The following CACNA1G variants were observed in gnomAD, a reference collection of about 807,000 sequenced individuals.
CACNA1G encodes voltage-dependent T-type calcium channel subunit alpha-1G.
A neutral mutation model predicts 219.4 loss-of-function variants in CACNA1G; 67 were observed. That is an observed-to-expected ratio of 0.31 (90% confidence interval 0.25 to 0.37). The LOEUF (loss-of-function observed/expected upper bound fraction) is 0.37. Among genes scored for constraint, CACNA1G ranks in the 10% least tolerant of loss-of-function variants. The probability of loss-of-function intolerance (pLI) is 1.00; values close to 1 mark genes in which losing one functional copy is unlikely to be tolerated. For missense variants in CACNA1G, 2,380 were observed against 3,231.4 expected (o/e 0.74, Z 6.39); for synonymous variants, 1,296 against 1,345.3 (o/e 0.96, Z 0.80).
Position 50,569,715 on chromosome 17 carries a change from G to A in CACNA1G, c.498G>A (p.Glu166=). 6.5e-7 allele frequency: 1 copy of A among 1,550,376 alleles called. No individual in the cohort carries two copies. The highest frequency in any genetic ancestry group is 8.7e-7 in the Non-Finnish European group (1 of 1,146,742). Residue 166 remains glutamate (E), a synonymous_variant, in exon 4 of 38, where the codon GAG becomes GAA. Transcript: ENST00000359106. ...DFFIVIAGML[E]YSLDLQNVSF... is the part of the protein sequence containing the mutation. ...GGGCCCCTCCCTGCAGGATGCTGGA[G>A]TACTCGCTGGACCTGCAGAACGTCA... is the stretch of plus-strand genomic sequence containing the variant.
chr17:50,614,571 G>A (rs985392154), intron 26 of CACNA1G, among the ~76,000 whole-genome samples: 2 of 152,220 alleles, frequency 1.3e-5, no homozygotes, highest in African/African-American at 4.8e-5. Flanking sequence ...ATAACTAAGT[G>A]GTTCACTAAT....
At chr17:50,602,268 C>T (rs1282708795) in intron 19 of CACNA1G, among the ~76,000 whole-genome samples, 1 of 152,234 alleles carries the variant, frequency 6.6e-6, no homozygotes, top group African/African-American at 2.4e-5. Flanking sequence ...TCTGCGCCTG[C>T]CTCCTGGCCA....
rs547558240 is a variant in CACNA1G at position 50,599,361 on chromosome 17, G to A, written c.3259-67G>A. 53 of 1,364,496 alleles carry A rather than the reference G, an allele frequency of 3.9e-5. 1 individual carries two copies. Among genetic ancestry groups the A allele is most frequent in the African/African-American group, 3.5e-4 (24 of 68,558 alleles). 84.5% of individuals were successfully genotyped at this position (1,364,496 alleles called of 1,614,324 possible). On this transcript the variant is annotated intron_variant, in intron 16 of 37. Transcript: ENST00000359106. ...ATGCCAGTGAGGCTCCCAGGAGACC[G>A]GGTGCACATGAGAGGACAGGGCTGC... is the stretch of plus-strand genomic sequence containing the variant.
rs972793029 is a variant in CACNA1G at position 50,561,049 on chromosome 17, G to A, written c.-411G>A. 7 of 347,480 alleles carry A rather than the reference G, an allele frequency of 2.0e-5. No homozygotes were observed. Among genetic ancestry groups the A allele is most frequent in the Non-Finnish European group, 5.5e-6 (1 of 181,050 alleles). 21.5% of individuals were successfully genotyped at this position (347,480 alleles called of 1,614,324 possible). On this transcript the variant is annotated 5_prime_UTR_variant, in exon 1 of 38. Transcript: ENST00000359106. ...CTCCAGCTGCGCCGCGGGAAGAGGG[G>A]GCGCCCCTCCCCGGACCCCCGCCCT...
chr17:50,603,172 G>A lies in CACNA1G; in HGVS notation c.4142G>A (p.Arg1381Gln), dbSNP rs1486670811. The change falls in exon 21 of 38, where the codon CGG becomes CAG. Residue 1381 changes from arginine to glutamine, a missense_variant. By Grantham distance (43) the Arg-to-Gln change is conservative (BLOSUM62 1). Around this residue, in one of 17 missense-constraint regions of CACNA1G, gnomAD observed 153 missense variants for 374.9 expected, o/e 0.41. Coordinates refer to ENST00000359106, the MANE Select transcript of CACNA1G (RefSeq NM_018896.5). The surrounding 1 kb of genome is among the most constrained non-coding windows in gnomAD (Gnocchi z 6.4). ...TKILGMLRVL[R>Q]LLRTLRPLRV... ...ATCCTGGGCATGCTGAGGGTGCTGC[G>A]GCTGCTGCGGACCCTGCGCCCGCTC... is the stretch of plus-strand genomic sequence containing the variant. The A allele has an allele frequency of 2.5e-6, 4 of 1,608,122 alleles. No homozygotes were observed. Among genetic ancestry groups the A allele is most frequent in the South Asian group, 1.1e-5 (1 of 91,018 alleles).
At chr17:50,614,973 G>A (rs753553137) in intron 26 of CACNA1G, among the ~76,000 whole-genome samples, 5 of 152,230 alleles carry the variant, frequency 3.3e-5, no homozygotes, top group Admixed American at 6.5e-5. Context: ...TTGATGGCGC[G>A]TCCTCTGAGC....
At chr17:50,586,567 C>T (rs1450869516) in intron 9 of CACNA1G, among the ~76,000 whole-genome samples, 2 of 152,200 alleles carry the variant, frequency 1.3e-5, no homozygotes, top group Admixed American at 1.3e-4. Flanking sequence ...AGATATCGGT[C>T]CTGCCTTCTG....
At chr17:50,604,102 G>A (rs2047415016) in intron 21 of CACNA1G, 53 bp from the exon 22 acceptor site, 1 of 1,579,092 alleles carries the variant, frequency 6.3e-7, no homozygotes, top group South Asian at 1.2e-5. Flanking sequence ...CAAGGGACAA[G>A]GGAGGGTCTG....
chr17:50,615,387 G>T lies in CACNA1G; in HGVS notation c.4786G>T (p.Asp1596Tyr). 6.2e-7 allele frequency: 1 copy of T among 1,611,520 alleles called. No individual in the cohort carries two copies. The change falls in exon 27 of 38, where the codon GAC (aspartate) becomes TAC (tyrosine). Residue 1596 changes from aspartate (D) to tyrosine (Y), a missense_variant. Around this residue, in one of 17 missense-constraint regions of CACNA1G, gnomAD observed 58 missense variants for 71.3 expected, o/e 0.81. Transcript: ENST00000359106. ...SEAQCKPYYS[D>Y]YSRFRLLVHH... ...AGCCCAGTGCAAACCTTACTACTCC[G>T]ACTACTCCCGCTTCCGGCTCCTCGT...
chr17:50,618,940 A>C lies in CACNA1G; in HGVS notation c.5713A>C (p.Lys1905Gln), dbSNP rs1209980357. 1 of 1,600,040 alleles carries C rather than the reference A, an allele frequency of 6.2e-7. No homozygotes were observed. The highest frequency in any genetic ancestry group is 8.5e-7 in the Non-Finnish European group (1 of 1,172,126). ...VEGPDSPDSP[K>Q]PGALHPAAHA... ...GGGCCCCGACAGCCCCGACAGCCCC[A>C]AGCCTGGGGCTCTGCACCCAGCGGC... is the stretch of plus-strand genomic sequence containing the variant. Residue 1905 changes from lysine (K) to glutamine (Q), a missense_variant, in exon 33 of 38, where the codon AAG (lysine) becomes CAG (glutamine). Physicochemically the swap from Lys to Gln is moderately conservative, Grantham distance 53 (BLOSUM62 1). This residue lies in a region of CACNA1G where 672 missense variants were observed against 670.5 expected (regional missense o/e 1.00). Coordinates refer to ENST00000359106, the MANE Select transcript of CACNA1G (RefSeq NM_018896.5). This position sits in a 1 kb window ranked among gnomAD's most constrained non-coding sequence, Gnocchi z 5.3.
In CACNA1G at chr17:50,572,753, T is replaced by C. The variant is rs775588523; in HGVS notation, c.946T>C (p.Trp316Arg). 1.2e-6 allele frequency: 2 copies of C among 1,614,014 alleles called. No individual in the cohort carries two copies. The highest frequency in any genetic ancestry group is 1.7e-6 in the Non-Finnish European group (2 of 1,179,902). Reference sequence around the variant, plus strand: ...CTCCAGCAACACCACCTGTGTCAACTGGAACCAGTACTACACCAACTGCTC... The same window carrying C: ...CTCCAGCAACACCACCTGTGTCAACCGGAACCAGTACTACACCAACTGCTC... ...NSSSNTTCVNWNQYYTNCSAG... is the reference protein window; with the variant it reads ...NSSSNTTCVNRNQYYTNCSAG... The change falls in exon 6 of 38, where the codon TGG becomes CGG. Residue 316 changes from tryptophan (W) to arginine (R), a missense_variant. By Grantham distance (101) the Trp-to-Arg change is moderately radical. Coordinates refer to ENST00000359106, the MANE Select transcript of CACNA1G (RefSeq NM_018896.5).
At position 50,600,592 on chromosome 17, in the gene CACNA1G, G is replaced by A. The variant is rs1275675032; in HGVS notation, c.3691-134G>A. ...GGAGGTGGCTTTAGGAATAAAGGAA[G>A]AGAGGCAGGGCAGAGCTTGGGCCCC... On this transcript the variant is annotated intron_variant, in intron 17 of 37. Transcript: ENST00000359106. The surrounding 1 kb of genome is among the most constrained non-coding windows in gnomAD (Gnocchi z 4.1). The A allele has an allele frequency of 1.1e-5, 8 of 711,020 alleles. No individual in the cohort carries two copies. In the East Asian group the frequency reaches 2.1e-4, roughly 19 times the overall value. 44.0% of individuals were successfully genotyped at this position (711,020 alleles called of 1,614,324 possible). A position where few individuals can be genotyped will look rare whatever the true frequency, so the allele number is the denominator to read the frequency against.
chr17:50,583,314 T>C (rs2042336776), intron 9 of CACNA1G, among the ~76,000 whole-genome samples: 1 of 152,108 alleles, frequency 6.6e-6, no homozygotes, highest in Non-Finnish European at 1.5e-5. Context: ...GGGGCATTGT[T>C]TTGGAGATGT....
chr17:50,607,726 C>T, intron 24 of CACNA1G, 101 bp from the exon 25 acceptor site: 1 of 930,412 alleles, frequency 1.1e-6, no homozygotes, highest in South Asian at 1.4e-5. Flanking sequence ...TGTCAGGCGG[C>T]TGTAGCTATT....
rs2046350006 is a variant in CACNA1G, at chr17:50,600,202, C to T, written c.3690+343C>T. On this transcript the variant is annotated intron_variant, in intron 17 of 37. Coordinates refer to ENST00000359106, the MANE Select transcript of CACNA1G (RefSeq NM_018896.5). The surrounding 1 kb of genome is among the most constrained non-coding windows in gnomAD (Gnocchi z 4.1). ...TGCCCCGCATCCCCCTTTCTCGTCT[C>T]AACCTCATCACAAGCCATGACTTCC... Among the ~76,000 whole-genome samples, 2 of 152,176 alleles carry T rather than the reference C, an allele frequency of 1.3e-5. No individual in the cohort carries two copies.
At chr17:50,605,723 G>C (rs1216422080) in intron 22 of CACNA1G, among the ~76,000 whole-genome samples, 175 bp from the exon 23 acceptor site, 2 of 152,190 alleles carry the variant, frequency 1.3e-5, no homozygotes, top group East Asian at 3.9e-4. Context: ...GGAAAGGAAG[G>C]GGGTGTCGGC....
In CACNA1G at chr17:50,588,155, G is replaced by A. The variant is rs549894085; in HGVS notation, c.2302-2316G>A. On this transcript the variant is annotated intron_variant, in intron 9 of 37. Transcript: ENST00000359106. The stretch of plus-strand genomic sequence containing the variant: ...CGTACCTCAGCTGTGTCTTCACATC[G>A]AGTTGGTCTTTATTCCTAGAACTCT... Among the ~76,000 whole-genome samples the A allele has an allele frequency of 4.6e-5, 7 of 152,200 alleles. No homozygotes were observed. In the East Asian group the frequency reaches 9.7e-4, roughly 21 times the overall value.
rs78027730 is a variant in CACNA1G at position 50,587,924 on chromosome 17, G to A, written c.2302-2547G>A. ...ATCAGTACAGACTCCTGAGAGCCCC[G>A]TGGATAACATCGGGGAGTGAAGAGA... On this transcript the variant is annotated intron_variant, in intron 9 of 37. Coordinates refer to ENST00000359106, the MANE Select transcript of CACNA1G (RefSeq NM_018896.5). Among the ~76,000 whole-genome samples, 350 of 152,256 alleles carry A rather than the reference G, an allele frequency of 2.3e-3. 2 individuals carry two copies. The highest frequency in any genetic ancestry group is 8.1e-3 in the African/African-American group (338 of 41,544).
At chr17:50,564,450 C>T (rs896279174) in intron 1 of CACNA1G, among the ~76,000 whole-genome samples, 7 of 122,708 alleles carry the variant, frequency 5.7e-5, no homozygotes, top group African/African-American at 1.9e-4. Flanking sequence ...TTTGGGATGC[C>T]GAGAGAGGGG....
Sources: gnomAD v4.1 joint callset for allele counts (sites outside exome capture counted in the v4.1 genomes callset) on GRCh38, gnomAD v4.1.1 for gene constraint, gnomAD v4.1.1 regional missense constraint, Gnocchi (gnomAD v3.1) non-coding constraint, MANE v1.5 for transcripts, NCBI Gene and HGNC (gene_info 2026-07-23, HGNC 2026-07-21) for gene names.